TNRC6A: variants seen among roughly 807,000 people sequenced by gnomAD.
The protein encoded by TNRC6A is trinucleotide repeat containing adaptor 6A.
TNRC6A carries 44 observed loss-of-function variants against 221.2 expected under a neutral mutation model. That is an observed-to-expected ratio of 0.20 (90% CI 0.16 to 0.26). The LOEUF (loss-of-function observed/expected upper bound fraction) is 0.26, where lower values mean the gene tolerates loss of function less well. Among genes scored for constraint, TNRC6A ranks in the 10% least tolerant of loss-of-function variants. The probability of loss-of-function intolerance (pLI) is 1.00; values close to 1 mark genes in which losing one functional copy is unlikely to be tolerated. For missense variants in TNRC6A, 2,199 were observed against 2,404.4 expected (o/e 0.91, Z 1.79); for synonymous variants, 847 against 838.5 (o/e 1.01, Z -0.18).
At chr16:24,633,738 T>C (rs1901473267) in intron 1 of TNRC6A, among the ~76,000 whole-genome samples, 1 of 151,596 alleles carries the variant, frequency 6.6e-6, no homozygotes, top group Non-Finnish European at 1.5e-5. Context: ...CACACACACA[T>C]TCCTCCCAAT....
At position 24,664,471 on chromosome 16, in the gene TNRC6A, AATAAAT is replaced by A. The variant is rs984666853; in HGVS notation, n.402+23479_402+23484del. 5.4e-3 allele frequency among the ~76,000 whole-genome samples: 783 copies of A among 144,670 alleles called. 6 individuals are homozygous for A. The highest frequency in any genetic ancestry group is 0.018 in the African/African-American group (714 of 40,002). The allele number at this position is 144,670 out of a possible 152,430, so 94.9% of individuals were successfully genotyped here. A position where few individuals can be genotyped will look rare whatever the true frequency, so the allele number is the denominator to read the frequency against. ...AATAATATATTTTATTTTTAAATAT[AATAAAT>A]ATAAATATAAATATAATAAAAATAA... On this transcript the variant is annotated intron_variant and non_coding_transcript_variant, in intron 2 of 2. Transcript: ENST00000566108.
At chr16:24,657,317 C>CAAAAAAAAAA (rs56241898) in intron 2 of TNRC6A, among the ~76,000 whole-genome samples, 4 of 88,170 alleles carry the variant, frequency 4.5e-5, no homozygotes, top group Non-Finnish European at 6.0e-5. Context: ...GACCCTATCT[C>CAAAAAAAAAA]AAAAAAAAAA....
chr16:24,802,847 G>A (rs2058356337), intron 11 of TNRC6A, among the ~76,000 whole-genome samples: 1 of 152,204 alleles, frequency 6.6e-6, no homozygotes, highest in Non-Finnish European at 1.5e-5. Context: ...GACAGATGGT[G>A]AGGAGGGGTG....
chr16:24,777,026 A>C lies in TNRC6A; in HGVS notation c.257A>C (p.Lys86Thr). Residue 86 changes from lysine to threonine, a missense_variant, in exon 5 of 25, where the codon AAG (lysine) becomes ACG (threonine). Physicochemically the swap from Lys to Thr is moderately conservative, Grantham distance 78. This residue lies in a region of TNRC6A where 1,405 missense variants were observed against 1,400.2 expected (regional missense o/e 1.00). Transcript: ENST00000395799. The part of the protein sequence containing the change: ...STATSTNNNA[K>T]RATANNQQPQ... Reference sequence around the variant, plus strand: ...GCAACCAGCACTAATAATAATGCCAAGCGAGCTACAGCCAACAATCAGCAG... The same window carrying C: ...GCAACCAGCACTAATAATAATGCCACGCGAGCTACAGCCAACAATCAGCAG... 1 of 1,614,156 alleles carries C rather than the reference A, an allele frequency of 6.2e-7. No homozygotes were observed. The highest frequency in any genetic ancestry group is 8.5e-7 in the Non-Finnish European group (1 of 1,180,054).
chr16:24,641,823 G>T (rs1322955728), intron 2 of TNRC6A, among the ~76,000 whole-genome samples: 1 of 151,940 alleles, frequency 6.6e-6, no homozygotes, highest in Non-Finnish European at 1.5e-5. Context: ...CATTGGTCTG[G>T]GCATTTGGAA....
chr16:24,818,716 G>T lies in TNRC6A; in HGVS notation c.5080+16G>T. 1 of 1,596,414 alleles carries T rather than the reference G, an allele frequency of 6.3e-7. No homozygotes were observed. Among genetic ancestry groups the T allele is most frequent in the Non-Finnish European group, 8.6e-7 (1 of 1,163,944 alleles). ...AGCACTTCAGGTGGGCCTCGCCTTCGCTCAGGAAGGGAGGGTTGGTCACAG... is the reference window on the plus strand; with the variant it reads ...AGCACTTCAGGTGGGCCTCGCCTTCTCTCAGGAAGGGAGGGTTGGTCACAG... On this transcript the variant is annotated intron_variant, in intron 21 of 24. Transcript: ENST00000395799.
At chr16:24,674,694 CCACACACACACACACA>C (rs3219528) in intron 2 of TNRC6A, among the ~76,000 whole-genome samples, 16 of 146,166 alleles carry the variant, frequency 1.1e-4, no homozygotes, top group East Asian at 6.0e-4. Flanking sequence ...ACTGCCCCCA[CCACACACACACACACA>C]CACACACACA....
At chr16:24,644,870 T>C (rs1902192092) in intron 2 of TNRC6A, among the ~76,000 whole-genome samples, 1 of 152,278 alleles carries the variant, frequency 6.6e-6, no homozygotes, top group Admixed American at 6.5e-5. Flanking sequence ...TTACAATTTA[T>C]TGAACCTAAC....
chr16:24,811,191 A>G (rs28563896), intron 18 of TNRC6A, among the ~76,000 whole-genome samples: 42,131 of 152,076 alleles, frequency 0.28, 6,267 homozygotes, highest in Non-Finnish European at 0.31. Flanking sequence ...GGAATGTGCA[A>G]TCCAGTCTGC....
Position 24,815,144 on chromosome 16 carries a change from T to TAA in TNRC6A, c.4673-2_4673-1insAA. 6.2e-7 allele frequency: 1 copy of TAA among 1,611,016 alleles called. No homozygotes were observed. The highest frequency in any genetic ancestry group is 8.5e-7 in the Non-Finnish European group (1 of 1,177,586). ...CATTTCTCTATTATTCTTCCCTTGT[T>TAA]AGGTGCTATTTCAAGTGGTTTCAGG... On this transcript the variant is annotated splice_region_variant and splice_polypyrimidine_tract_variant and intron_variant, in intron 18 of 24. Transcript: ENST00000395799.
In TNRC6A at chr16:24,737,763, T is replaced by C. The variant is rs570892833; in HGVS notation, c.53+7463T>C. ...TATTGAGCAGTTTGCTGCAATAATA[T>C]TGAATATTTTTAGAGTTATGACGTC... On this transcript the variant is annotated intron_variant, in intron 2 of 24. Transcript: ENST00000395799. Among the ~76,000 whole-genome samples the C allele has an allele frequency of 9.6e-4, 147 of 152,352 alleles. 1 individual carries two copies. The highest frequency in any genetic ancestry group is 3.4e-3 in the Middle Eastern group (1 of 294).
rs11858991 is a variant in TNRC6A, at chr16:24,697,768, A to C, written n.403-52958A>C. 2.6e-5 allele frequency among the ~76,000 whole-genome samples: 4 copies of C among 151,976 alleles called. No homozygotes were observed. The East Asian group carries it at 7.8e-4, about 30-fold the overall frequency. On this transcript the variant is annotated intron_variant and non_coding_transcript_variant, in intron 2 of 2. Coordinates refer to the TNRC6A transcript ENST00000566108. ...TTAGAAATGCAGACTGGGGCCGGGC[A>C]TGGTGGCTCACGCCTGTAATCCCAG...
At chr16:24,736,080 G>A (rs189020770) in intron 2 of TNRC6A, among the ~76,000 whole-genome samples, 5 of 152,092 alleles carry the variant, frequency 3.3e-5, no homozygotes, top group African/African-American at 4.8e-5. Flanking sequence ...GAGGAGAATC[G>A]CTTGAACCTG....
upstream of TNRC6A, among the ~76,000 whole-genome samples, chr16:24,729,260 C>A (rs1024576702): frequency 1.3e-5 from 2 of 149,724 alleles, no homozygotes; most frequent in African/African-American, 4.9e-5. Context: ...GCCGCGCGGG[C>A]TCATCAGGCT....
intron 1 of TNRC6A, among the ~76,000 whole-genome samples, chr16:24,640,672 T>C (rs1901901396): frequency 7.0e-6 from 1 of 143,294 alleles, no homozygotes; most frequent in South Asian, 2.2e-4. Flanking sequence ...GAAGTTGCAG[T>C]GAACCAAGAT....
chr16:24,625,062 T>C (rs907559038), intron 1 of TNRC6A, among the ~76,000 whole-genome samples: 1 of 152,224 alleles, frequency 6.6e-6, no homozygotes, highest in Non-Finnish European at 1.5e-5. Flanking sequence ...CTCCCTGTCA[T>C]CCTTGTCATT....
At chr16:24,675,692 CTCTCTCTCTCTA>C (rs1317703737) in intron 2 of TNRC6A, among the ~76,000 whole-genome samples, 40 of 85,792 alleles carry the variant, frequency 4.7e-4, no homozygotes, top group Non-Finnish European at 6.8e-4. Flanking sequence ...CTCTCTCTCT[CTCTCTCTCTCTA>C]TATATATATA....
At chr16:24,638,715 A>AAAAAAC (rs1190343584) in intron 1 of TNRC6A, among the ~76,000 whole-genome samples, 1 of 152,224 alleles carries the variant, frequency 6.6e-6, no homozygotes, top group Admixed American at 6.5e-5. Flanking sequence ...TGTCTCAAAA[A>AAAAAAC]AAAAAACAAA....
intron 9 of TNRC6A, among the ~76,000 whole-genome samples, chr16:24,796,560 G>C (rs950494307): frequency 6.6e-6 from 1 of 152,188 alleles, no homozygotes; most frequent in Non-Finnish European, 1.5e-5. Context: ...AGAAAGGACA[G>C]AAGAACTTGG....
Sources: gnomAD v4.1 joint callset for allele counts (sites outside exome capture counted in the v4.1 genomes callset) on GRCh38, gnomAD v4.1.1 for gene constraint, gnomAD v4.1.1 regional missense constraint, MANE v1.5 for transcripts, NCBI Gene and HGNC (gene_info 2026-07-23, HGNC 2026-07-21) for gene names.